UNC13B: variants seen among roughly 807,000 people sequenced by gnomAD.
UNC13B encodes the protein protein unc-13 homolog B.
UNC13B carries 144 observed loss-of-function variants against 211.0 expected under a neutral mutation model. That is an observed-to-expected ratio of 0.68 (90% CI 0.60 to 0.78). UNC13B has a LOEUF of 0.78. UNC13B is among the 30% of genes least tolerant of loss of function. The pLI is 0.00. For synonymous variants in UNC13B, 709 were observed against 725.8 expected (o/e 0.98, Z 0.37); for missense variants, 1,777 against 2,002.0 (o/e 0.89, Z 2.14).
intron 5 of UNC13B, among the ~76,000 whole-genome samples, chr9:35,241,748 C>G (rs1825826941): frequency 1.3e-5 from 2 of 152,212 alleles, no homozygotes; most frequent in Admixed American, 1.3e-4. Flanking sequence ...TTGCACTTCC[C>G]ACTCTCCTTC....
At chr9:35,238,345 G>A in intron 5 of UNC13B, among the ~76,000 whole-genome samples, 1 of 152,084 alleles carries the variant, frequency 6.6e-6, no homozygotes, top group Admixed American at 6.6e-5. Context: ...TGAAACCACT[G>A]TTAACATTCT....
intron 3 of UNC13B, among the ~76,000 whole-genome samples, chr9:35,236,079 A>G (rs1825490252): frequency 6.7e-6 from 1 of 148,744 alleles, no homozygotes; most frequent in African/African-American, 2.5e-5. Context: ...TGTTACCATC[A>G]CCATAATCAA....
In UNC13B at chr9:35,198,731, G is replaced by A. The variant is rs570926177; in HGVS notation, c.23-29284G>A. Among the ~76,000 whole-genome samples the A allele has an allele frequency of 8.5e-5, 13 of 152,284 alleles. No homozygotes were observed. The South Asian group carries it at 2.3e-3, about 27-fold the overall frequency. ...AAATGTTGATAGTGATATGGACAGT[G>A]AAGGCCAGGCTGAGGAGTTTTCAGA... On this transcript the variant is annotated intron_variant, in intron 1 of 39. Coordinates refer to ENST00000635942, the MANE Select transcript of UNC13B (RefSeq NM_001371189.2).
chr9:35,381,777 G>A, intron 20 of UNC13B, 58 bp downstream of exon 20: 1 of 1,588,688 alleles, frequency 6.3e-7, no homozygotes, highest in Non-Finnish European at 8.6e-7. Flanking sequence ...GGCTAATTAA[G>A]GCACACTGAC....
chr9:35,279,469 C>T (rs1266772546), intron 7 of UNC13B, among the ~76,000 whole-genome samples: 1 of 151,720 alleles, frequency 6.6e-6, no homozygotes, highest in South Asian at 2.1e-4. Context: ...TTTTTTAAAC[C>T]ACTTTTGGCT....
chr9:35,315,082 G>A (rs1830385020), intron 11 of UNC13B, among the ~76,000 whole-genome samples: 1 of 146,462 alleles, frequency 6.8e-6, no homozygotes, highest in Non-Finnish European at 1.5e-5. Flanking sequence ...TGTAGATGCA[G>A]GGTCTTGCTG....
intron 24 of UNC13B, among the ~76,000 whole-genome samples, chr9:35,388,233 C>A (rs535246126): frequency 6.6e-6 from 1 of 152,182 alleles, no homozygotes; most frequent in Admixed American, 6.5e-5. Flanking sequence ...TATGGTGAAA[C>A]CCTGTCTCTA....
chr9:35,265,907 C>A (rs775967388), intron 7 of UNC13B, among the ~76,000 whole-genome samples: 11 of 152,164 alleles, frequency 7.2e-5, no homozygotes, highest in Non-Finnish European at 1.5e-4. Context: ...CTCACGGCAA[C>A]CTCCGTCTCC....
At chr9:35,205,004 G>C (rs989640660) in intron 1 of UNC13B, among the ~76,000 whole-genome samples, 1 of 152,164 alleles carries the variant, frequency 6.6e-6, no homozygotes, top group African/African-American at 2.4e-5. Context: ...CTTAATGGGA[G>C]GTGATGGATA....
intron 11 of UNC13B, chr9:35,352,418 C>T (rs1587679777): frequency 4.9e-6 from 6 of 1,231,938 alleles, no homozygotes; most frequent in African/African-American, 1.6e-5. Flanking sequence ...TGTGGGAGTC[C>T]GAATTGCCAC....
chr9:35,387,170 G>A (rs1835243109), intron 24 of UNC13B, among the ~76,000 whole-genome samples: 1 of 152,136 alleles, frequency 6.6e-6, no homozygotes, highest in African/African-American at 2.4e-5. Flanking sequence ...GGAATTCCAA[G>A]GAGGAAGAGT....
intron 1 of UNC13B, among the ~76,000 whole-genome samples, chr9:35,225,744 G>C (rs1015729313): frequency 1.3e-5 from 2 of 152,246 alleles, no homozygotes; most frequent in South Asian, 4.2e-4. Flanking sequence ...TGCCAGATGG[G>C]CTGGTCCTCT....
rs780609481 is a variant in UNC13B, at chr9:35,381,117, T to C, written c.10393T>C (p.Ser3465Pro). 1 of 1,614,096 alleles carries C rather than the reference T, an allele frequency of 6.2e-7. No homozygotes were observed. Among genetic ancestry groups the C allele is most frequent in the Non-Finnish European group, 8.5e-7 (1 of 1,180,012 alleles). The change falls in exon 19 of 40, where the codon TCA (serine) becomes CCA (proline). Residue 3465 changes from serine to proline, a missense_variant. Ser to Pro is a moderately conservative substitution (Grantham distance 74). Transcript: ENST00000635942. ...WYNLEKRTDK[S>P]AVSGAIRLQI... ...CTTCCTAGAGAAGAGGACAGACAAA[T>C]CAGCCGTCTCAGGGGCTATCCGACT...
At chr9:35,219,738 T>C (rs1288232094) in intron 1 of UNC13B, among the ~76,000 whole-genome samples, 2 of 152,146 alleles carry the variant, frequency 1.3e-5, no homozygotes, top group Non-Finnish European at 2.9e-5. Flanking sequence ...CAAATGTTAA[T>C]GATTTGTTAC....
chr9:35,264,494 C>T (rs1827458814), intron 7 of UNC13B, among the ~76,000 whole-genome samples: 1 of 152,132 alleles, frequency 6.6e-6, no homozygotes, highest in Non-Finnish European at 1.5e-5. Flanking sequence ...ATGTGGCTTT[C>T]CCTTACTGCT....
chr9:35,306,552 T>C lies in UNC13B; in HGVS notation c.7148T>C (p.Ile2383Thr). ...SNSFSHAKQL[I>T]EKFNDLDTCT... ...TCTTTTTCACATGCTAAACAGTTAA[T>C]TGAAAAATTCAATGATTTAGACACT... The change falls in exon 9 of 40, where the codon ATT becomes ACT. Residue 2383 changes from isoleucine (I) to threonine (T), a missense_variant. Physicochemically the swap from Ile to Thr is moderately conservative, Grantham distance 89 (BLOSUM62 -1). Transcript: ENST00000635942. 3 of 399,002 alleles carry C rather than the reference T, an allele frequency of 7.5e-6. No homozygotes were observed. Among genetic ancestry groups the C allele is most frequent in the Non-Finnish European group, 1.3e-5 (3 of 226,050 alleles). 24.7% of individuals were successfully genotyped at this position (399,002 alleles called of 1,614,324 possible). A position where few individuals can be genotyped will look rare whatever the true frequency, so the allele number is the denominator to read the frequency against.
At chr9:35,332,097 T>C (rs569685841) in intron 11 of UNC13B, among the ~76,000 whole-genome samples, 1 of 152,240 alleles carries the variant, frequency 6.6e-6, no homozygotes, top group South Asian at 2.1e-4. Flanking sequence ...TTCTCCTGCC[T>C]TAGCCTCCCA....
In UNC13B at chr9:35,304,428, G is replaced by C. The variant is rs1293913464; in HGVS notation, c.5024G>C (p.Cys1675Ser). ...ERPCGSEDAE[C>S]TLDLRNQPQT... is the part of the protein sequence containing the mutation. Reference sequence around the variant, plus strand: ...CCGTGTGGTTCTGAAGACGCTGAATGTACATTAGATCTCAGAAATCAGCCC... The same window carrying C: ...CCGTGTGGTTCTGAAGACGCTGAATCTACATTAGATCTCAGAAATCAGCCC... Residue 1675 changes from cysteine (C) to serine (S), a missense_variant, in exon 9 of 40, where the codon TGT becomes TCT. Physicochemically the swap from Cys to Ser is moderately radical, Grantham distance 112. Coordinates refer to ENST00000635942, the MANE Select transcript of UNC13B (RefSeq NM_001371189.2). 1 of 398,534 alleles carries C rather than the reference G, an allele frequency of 2.5e-6. No individual in the cohort carries two copies. The highest frequency in any genetic ancestry group is 2.1e-5 in the African/African-American group (1 of 48,574). The allele number at this position is 398,534 out of a possible 1,614,324, so 24.7% of individuals were successfully genotyped here.
chr9:35,395,093 G>A (rs923125124), intron 26 of UNC13B, among the ~76,000 whole-genome samples: 2 of 152,088 alleles, frequency 1.3e-5, no homozygotes, highest in African/African-American at 2.4e-5. Flanking sequence ...GGATGGGGGT[G>A]GAGGAGAGGG....
Sources: gnomAD v4.1 joint callset for allele counts (sites outside exome capture counted in the v4.1 genomes callset) on GRCh38, gnomAD v4.1.1 for gene constraint, MANE v1.5 for transcripts, NCBI Gene and HGNC (gene_info 2026-07-23, HGNC 2026-07-21) for gene names.